EML6: variants seen among roughly 807,000 people sequenced by gnomAD.
EML6 encodes the protein EMAP like 6.
In EML6, 154 loss-of-function variants were observed where a neutral mutation model predicts 240.1. The observed-to-expected ratio is 0.64, with a 90% CI of 0.56 to 0.73. The LOEUF (loss-of-function observed/expected upper bound fraction) is 0.73. EML6 is among the 30% of genes least tolerant of loss of function. The pLI, the probability that EML6 is intolerant of heterozygous loss-of-function variation, is 0.00. For synonymous variants in EML6, 1,148 were observed against 899.0 expected (o/e 1.28, Z -4.95); for missense variants, 2,964 against 2,474.6 (o/e 1.20, Z -4.20).
intron 28 of EML6, among the ~76,000 whole-genome samples, chr2:54,944,674 G>T (rs1309610232): frequency 6.6e-6 from 1 of 152,084 alleles, no homozygotes; most frequent in East Asian, 1.9e-4. Flanking sequence ...TGTGTGATAG[G>T]CTTCAGTCAA....
intron 2 of EML6, among the ~76,000 whole-genome samples, chr2:54,732,700 C>T (rs1275799675): frequency 6.6e-6 from 1 of 152,128 alleles, no homozygotes; most frequent in Non-Finnish European, 1.5e-5. Context: ...GAAATAGAAA[C>T]CATAGGCTTT....
chr2:54,847,659 C>T, intron 9 of EML6, 36 bp downstream of exon 9: 1 of 1,547,286 alleles, frequency 6.5e-7, no homozygotes, highest in Admixed American at 2.0e-5. Context: ...TTTAGAAATG[C>T]TCTCGTGTTA....
At chr2:54,879,271 A>C (rs1295998259) in intron 16 of EML6, among the ~76,000 whole-genome samples, 1 of 152,236 alleles carries the variant, frequency 6.6e-6, no homozygotes, top group Non-Finnish European at 1.5e-5. Flanking sequence ...ATGCATTAGG[A>C]AGCTCGGCTA....
At chr2:54,852,264 A>T (rs1670131848) in intron 10 of EML6, among the ~76,000 whole-genome samples, 2 of 152,186 alleles carry the variant, frequency 1.3e-5, no homozygotes, top group African/African-American at 2.4e-5. Flanking sequence ...ATTTATTAAC[A>T]TTTAGTTTGT....
chr2:54,799,691 A>G (rs1264293211), intron 2 of EML6, among the ~76,000 whole-genome samples: 1 of 152,210 alleles, frequency 6.6e-6, no homozygotes, highest in African/African-American at 2.4e-5. Context: ...TAGTTGCAAC[A>G]GAGACCATAT....
chr2:54,754,594 C>G (rs1433441457), intron 2 of EML6, among the ~76,000 whole-genome samples: 1 of 152,012 alleles, frequency 6.6e-6, no homozygotes, highest in East Asian at 1.9e-4. Context: ...AGTACTTTGT[C>G]AATTCTATAT....
intron 2 of EML6, among the ~76,000 whole-genome samples, chr2:54,755,495 T>TGG: frequency 6.6e-6 from 1 of 152,328 alleles, no homozygotes; most frequent in South Asian, 2.1e-4. Flanking sequence ...ATGAAAATGA[T>TGG]ATATCCCTCT....
chr2:54,970,700 G>C lies in EML6; in HGVS notation c.*605G>C, dbSNP rs1022534254. The C allele has an allele frequency of 6.5e-6, 1 of 153,068 alleles. No homozygotes were observed. The highest frequency in any genetic ancestry group is 1.9e-4 in the East Asian group (1 of 5,212). 9.5% of individuals were successfully genotyped at this position (153,068 alleles called of 1,614,324 possible). ...CATTAAGTGCCTTTGAAAGTTTCCA[G>C]TTGTGTGGGCTGCTGTCTCACCTCC... On this transcript the variant is annotated 3_prime_UTR_variant, in exon 42 of 42. Transcript: ENST00000356458.
At chr2:54,874,915 C>T (rs1286961392) in intron 16 of EML6, among the ~76,000 whole-genome samples, 1 of 152,170 alleles carries the variant, frequency 6.6e-6, no homozygotes, top group African/African-American at 2.4e-5. Context: ...GATCCAAAGG[C>T]AGAACCCAGG....
intron 24 of EML6, among the ~76,000 whole-genome samples, chr2:54,905,546 A>C (rs1166190006): frequency 6.6e-6 from 1 of 152,170 alleles, no homozygotes; most frequent in African/African-American, 2.4e-5. Context: ...AGTACACATA[A>C]CAAAAATGTA....
intron 41 of EML6, among the ~76,000 whole-genome samples, chr2:54,968,980 T>C (rs1558737163): frequency 6.6e-6 from 1 of 152,152 alleles, no homozygotes; most frequent in Non-Finnish European, 1.5e-5. Flanking sequence ...TGGTTGTGAC[T>C]GGAGCTGTCC....
chr2:54,790,726 T>C (rs922796676), intron 2 of EML6, among the ~76,000 whole-genome samples: 1 of 80,132 alleles, frequency 1.2e-5, no homozygotes, highest in Non-Finnish European at 2.0e-5. Context: ...TAATTTTCCT[T>C]TTTTTTTTTT....
At chr2:54,915,943 T>C (rs947598927) in intron 25 of EML6, among the ~76,000 whole-genome samples, 5 of 152,222 alleles carry the variant, frequency 3.3e-5, no homozygotes, top group African/African-American at 9.7e-5. Context: ...GTTGTTGTTA[T>C]TGTCTATTAT....
intron 24 of EML6, among the ~76,000 whole-genome samples, chr2:54,903,729 G>C (rs984595764): frequency 3.9e-5 from 6 of 152,156 alleles, no homozygotes; most frequent in Admixed American, 3.9e-4. Flanking sequence ...ATTGATTCAA[G>C]CCATTGAGTT....
At chr2:54,849,887 TGACACA>T in intron 9 of EML6, 69 bp from the exon 10 acceptor site, 2 of 1,221,918 alleles carry the variant, frequency 1.6e-6, no homozygotes, top group South Asian at 1.5e-5. Context: ...CTTCTTTTTC[TGACACA>T]TATATTTTAA....
chr2:54,801,260 A>G (rs1670126720), intron 2 of EML6, among the ~76,000 whole-genome samples: 1 of 149,916 alleles, frequency 6.7e-6, no homozygotes, highest in African/African-American at 2.5e-5. Flanking sequence ...GCTTGCAGTG[A>G]GCCGAGATCT....
intron 8 of EML6, 111 bp downstream of exon 8, chr2:54,844,359 A>G: frequency 1.2e-6 from 1 of 819,480 alleles, no homozygotes; most frequent in Non-Finnish European, 1.9e-6. Flanking sequence ...CAGTTTCCAA[A>G]TGAAACGTTA....
chr2:54,853,800 G>A lies in EML6; in HGVS notation c.1602G>A (p.Val534=). Residue 534 remains valine (V), a synonymous_variant, in exon 11 of 42, where the codon GTG becomes GTA. Transcript: ENST00000356458. ...CGAATTACAACAGCTCAGTGCTGGT[G>A]TCTGGAGATGATTTTGGACTGGTTA... ...VDANYNSSVL[V]SGDDFGLVKL... 1 of 1,551,608 alleles carries A rather than the reference G, an allele frequency of 6.4e-7. No individual in the cohort carries two copies. Among genetic ancestry groups the A allele is most frequent in the Non-Finnish European group, 8.7e-7 (1 of 1,146,954 alleles).
chr2:54,818,975 C>T (rs1446173158), intron 4 of EML6, among the ~76,000 whole-genome samples: 1 of 152,112 alleles, frequency 6.6e-6, no homozygotes, highest in African/African-American at 2.4e-5. Flanking sequence ...TTATACCCTG[C>T]AAAATGACTT....
Sources: allele counts gnomAD v4.1 joint callset (sites outside exome capture counted in the v4.1 genomes callset), GRCh38; gene constraint gnomAD v4.1.1; transcripts MANE v1.5; gene names NCBI Gene and HGNC (gene_info 2026-07-23, HGNC 2026-07-21).